Variants in FGFR2 observed in about 807,000 individuals in gnomAD.
FGFR2 encodes the protein fibroblast growth factor receptor 2.
A neutral mutation model predicts 95.9 loss-of-function variants in FGFR2; 19 were observed. That is an observed-to-expected ratio of 0.20 (90% confidence interval 0.14 to 0.29). The LOEUF (loss-of-function observed/expected upper bound fraction) is 0.29, where lower values mean the gene tolerates loss of function less well. FGFR2 is among the 10% of genes least tolerant of loss of function. The pLI is 1.00. For synonymous variants in FGFR2, 392 were observed against 393.3 expected (o/e 1.00, Z 0.04); for missense variants, 707 against 1,056.9 (o/e 0.67, Z 4.59).
In FGFR2 at chr10:121,581,073, G is replaced by A. The variant is rs116854454; in HGVS notation, c.109+12636C>T. Among the ~76,000 whole-genome samples, 779 of 152,296 alleles carry A rather than the reference G, an allele frequency of 5.1e-3. 20 individuals are homozygous for A. The East Asian group carries it at 0.056, about 11-fold the overall frequency. ...CCACATTGACCTGGCAAGAAACTCT[G>A]CCAATTAGAGGTAGTAACAGAAAAG... On this transcript the variant is annotated intron_variant, in intron 2 of 17. Coordinates refer to ENST00000358487, the MANE Select transcript of FGFR2 (RefSeq NM_000141.5).
At chr10:121,561,755 G>A (rs549464774) in intron 4 of FGFR2, among the ~76,000 whole-genome samples, 1 of 152,276 alleles carries the variant, frequency 6.6e-6, no homozygotes, top group Admixed American at 6.5e-5. Context: ...GAAAAGGCAA[G>A]CCACAGGTGA....
chr10:121,558,412 C>T (rs17542209), intron 4 of FGFR2, among the ~76,000 whole-genome samples: 3,202 of 152,282 alleles, frequency 0.021, 61 homozygotes, highest in Admixed American at 0.063. Flanking sequence ...CTTGTAATGA[C>T]ATCACAGGAC....
At chr10:121,524,165 TTAA>T (rs1204062334) in intron 6 of FGFR2, among the ~76,000 whole-genome samples, 5 of 149,420 alleles carry the variant, frequency 3.3e-5, no homozygotes, top group Non-Finnish European at 7.5e-5. Context: ...TTGCAATGGT[TTAA>T]TGTTATTGCA....
chr10:121,568,858 G>C (rs1015530555), intron 2 of FGFR2, among the ~76,000 whole-genome samples: 1 of 152,168 alleles, frequency 6.6e-6, no homozygotes, highest in African/African-American at 2.4e-5. Context: ...ACAGGGGACA[G>C]CGAGGACCTG....
intron 9 of FGFR2, among the ~76,000 whole-genome samples, chr10:121,511,102 G>C (rs1848998301): frequency 6.6e-6 from 1 of 151,876 alleles, no homozygotes; most frequent in African/African-American, 2.4e-5. Flanking sequence ...ACGGCACCCA[G>C]TCTGCTCTTG....
chr10:121,558,807 TC>T (rs1295319010), intron 4 of FGFR2, among the ~76,000 whole-genome samples: 5 of 152,094 alleles, frequency 3.3e-5, no homozygotes, highest in Middle Eastern at 3.4e-3. Context: ...CAGGCTGGTC[TC>T]GAACTCCTGA....
At chr10:121,538,986 G>C (rs1176708839) in intron 5 of FGFR2, among the ~76,000 whole-genome samples, 1 of 152,218 alleles carries the variant, frequency 6.6e-6, no homozygotes, top group Admixed American at 6.5e-5. Context: ...TAATGGATTT[G>C]AGGGCTCCTC....
At chr10:121,489,610 A>G (rs1384947938) in intron 13 of FGFR2, among the ~76,000 whole-genome samples, 2 of 152,098 alleles carry the variant, frequency 1.3e-5, no homozygotes, top group African/African-American at 4.8e-5. Flanking sequence ...CTCATTTTCA[A>G]CTGTCTATGG....
At chr10:121,551,823 G>C (rs1003003690) in intron 4 of FGFR2, among the ~76,000 whole-genome samples, 1 of 152,060 alleles carries the variant, frequency 6.6e-6, no homozygotes, top group African/African-American at 2.4e-5. Flanking sequence ...TCCAAAAATA[G>C]ATCATTTTGG....
intron 2 of FGFR2, among the ~76,000 whole-genome samples, chr10:121,573,855 C>T (rs1859261844): frequency 1.3e-5 from 2 of 152,116 alleles, no homozygotes; most frequent in Admixed American, 6.5e-5. Flanking sequence ...CGGTGCCCTC[C>T]CACACCTCCT....
intron 4 of FGFR2, among the ~76,000 whole-genome samples, chr10:121,560,343 C>T (rs964949096): frequency 2.6e-5 from 4 of 151,984 alleles, no homozygotes; most frequent in African/African-American, 7.2e-5. Flanking sequence ...GGCCAGGTGC[C>T]GTGGCTCACG....
At chr10:121,571,648 AAAC>A (rs1178544495) in intron 2 of FGFR2, among the ~76,000 whole-genome samples, 17 of 98,602 alleles carry the variant, frequency 1.7e-4, no homozygotes, top group East Asian at 3.9e-4. Flanking sequence ...ACAAACAAAC[AAAC>A]AAAAACGACT....
At chr10:121,564,205 T>C (rs1369217513) in intron 4 of FGFR2, 3 of 459,060 alleles carry the variant, frequency 6.5e-6, no homozygotes, top group South Asian at 2.1e-5. Context: ...ACTATTCTTA[T>C]GTCTCTGAAT....
chr10:121,501,127 AG>A (rs1847555827), intron 10 of FGFR2, among the ~76,000 whole-genome samples, 180 bp from the exon 11 acceptor site: 1 of 152,180 alleles, frequency 6.6e-6, no homozygotes, highest in South Asian at 2.1e-4. Context: ...GACGTTTTAG[AG>A]AATGTCAATT....
rs1852049378 is a variant in FGFR2, at chr10:121,531,335, G to A, written c.748+7257C>T. On this transcript the variant is annotated intron_variant, in intron 6 of 17. Coordinates refer to ENST00000358487, the MANE Select transcript of FGFR2 (RefSeq NM_000141.5). This position sits in a 1 kb window ranked among gnomAD's most constrained non-coding sequence, Gnocchi z 4.5. ...TCTGTATTTGCCAGTCAGTACGTTT[G>A]GAGTGATCTAGCTGCCACTAACCAG... The A allele has an allele frequency of 6.6e-6, 1 of 152,174 alleles. No homozygotes were observed. The highest frequency in any genetic ancestry group is 2.4e-5 in the African/African-American group (1 of 41,434). The allele number at this position is 152,174 out of a possible 1,614,324, so 9.4% of individuals were successfully genotyped here. A position where few individuals can be genotyped will look rare whatever the true frequency, so the allele number is the denominator to read the frequency against.
intron 2 of FGFR2, among the ~76,000 whole-genome samples, chr10:121,589,807 GCTAA>G (rs1443749949): frequency 6.6e-6 from 1 of 152,166 alleles, no homozygotes; most frequent in Non-Finnish European, 1.5e-5. Flanking sequence ...TTGTTCCAAA[GCTAA>G]CTATCAAGTT....
intron 2 of FGFR2, among the ~76,000 whole-genome samples, chr10:121,576,000 C>A (rs897332517): frequency 2.0e-5 from 3 of 151,660 alleles, no homozygotes; most frequent in African/African-American, 7.3e-5. Flanking sequence ...CCAGCCTGAC[C>A]AACATGGAGA....
chr10:121,537,023 C>T (rs1852934582), intron 6 of FGFR2, among the ~76,000 whole-genome samples: 1 of 152,226 alleles, frequency 6.6e-6, no homozygotes, highest in South Asian at 2.1e-4. Flanking sequence ...TACAGTGTAT[C>T]AATGCCAACA....
At chr10:121,540,393 C>T (rs1419431230) in intron 5 of FGFR2, among the ~76,000 whole-genome samples, 3 of 152,148 alleles carry the variant, frequency 2.0e-5, no homozygotes, top group Non-Finnish European at 2.9e-5. Context: ...CATGCTAGCG[C>T]GTCTCCCCTT....
Sources: allele counts gnomAD v4.1 joint callset (sites outside exome capture counted in the v4.1 genomes callset), GRCh38; gene constraint gnomAD v4.1.1; non-coding constraint Gnocchi (gnomAD v3.1); transcripts MANE v1.5; gene names NCBI Gene and HGNC (gene_info 2026-07-23, HGNC 2026-07-21).